TMEM26: variants seen among roughly 807,000 people sequenced by gnomAD.
The protein encoded by TMEM26 is transmembrane protein 26.
In TMEM26, 38 loss-of-function variants were observed where a neutral mutation model predicts 28.8. The ratio of observed to expected loss-of-function variants is 1.32; its 90% CI spans 1.02 to 1.73. The LOEUF is 1.73. TMEM26 is among the 40% of genes most tolerant of loss of function. The pLI is 0.00. For missense variants in TMEM26, 518 were observed against 447.1 expected (o/e 1.16, Z -1.43); for synonymous variants, 227 against 182.9 (o/e 1.24, Z -1.95).
At chr10:61,411,083 A>T (rs553934450) in intron 5 of TMEM26, among the ~76,000 whole-genome samples, 3 of 152,182 alleles carry the variant, frequency 2.0e-5, no homozygotes, top group African/African-American at 7.2e-5. Flanking sequence ...CATGGGGGGA[A>T]TAAAAAATAA....
At chr10:61,418,235 G>C (rs1012570734) in intron 4 of TMEM26, among the ~76,000 whole-genome samples, 1 of 152,036 alleles carries the variant, frequency 6.6e-6, no homozygotes, top group African/African-American at 2.4e-5. Flanking sequence ...ACTGGAGACT[G>C]TTAGGATGGA....
At chr10:61,416,092 G>A (rs1239891419) in intron 4 of TMEM26, 2 of 450,488 alleles carry the variant, frequency 4.4e-6, no homozygotes, top group Admixed American at 4.8e-5. Flanking sequence ...GGGTTAGTAT[G>A]TCTTCTATTA....
chr10:61,417,389 A>AG (rs1839670307), intron 4 of TMEM26, among the ~76,000 whole-genome samples: 1 of 151,926 alleles, frequency 6.6e-6, no homozygotes. Context: ...TATTTTGCCA[A>AG]TGTGCTTAGC....
At chr10:61,433,215 G>A (rs1839950564) in intron 2 of TMEM26, among the ~76,000 whole-genome samples, 1 of 152,128 alleles carries the variant, frequency 6.6e-6, no homozygotes, top group Non-Finnish European at 1.5e-5. Context: ...ACTTATCTGA[G>A]TTGCTCTCCG....
At chr10:61,430,039 G>A (rs1385351819) in intron 3 of TMEM26, among the ~76,000 whole-genome samples, 2 of 152,120 alleles carry the variant, frequency 1.3e-5, no homozygotes, top group East Asian at 3.9e-4. Flanking sequence ...ATCCATACAT[G>A]AAAATCAAGA....
At chr10:61,414,946 G>A in intron 4 of TMEM26, 7 of 977,012 alleles carry the variant, frequency 7.2e-6, no homozygotes, top group Non-Finnish European at 8.5e-6. Context: ...AATACTGTTA[G>A]GTGGATTCCT....
At position 61,409,389 on chromosome 10, in the gene TMEM26, A is replaced by G. The variant is rs904338881; in HGVS notation, c.*933T>C. Reference sequence around the variant, plus strand: ...GGCCACTTCCAGTAGTCGCGGTTCAAAGAAGCTGCAGCTTTGTTCACTACT... The same window carrying G: ...GGCCACTTCCAGTAGTCGCGGTTCAGAGAAGCTGCAGCTTTGTTCACTACT... On this transcript the variant is annotated 3_prime_UTR_variant, in exon 6 of 6. Coordinates refer to ENST00000399298, the MANE Select transcript of TMEM26 (RefSeq NM_178505.8). The G allele has an allele frequency of 6.6e-6, 1 of 152,226 alleles. No homozygotes were observed. The highest frequency in any genetic ancestry group is 1.5e-5 in the Non-Finnish European group (1 of 68,078). The allele number at this position is 152,226 out of a possible 1,614,324, so 9.4% of individuals were successfully genotyped here. A position where few individuals can be genotyped will look rare whatever the true frequency, so the allele number is the denominator to read the frequency against.
Position 61,442,164 on chromosome 10 carries a change from T to C in TMEM26, c.192-5916A>G, listed in dbSNP as rs1429630875. ...GTTCATTTCATCCAAAAGTAAAATA[T>C]TGTTTACCATACAAAGTTGTCATTT... On this transcript the variant is annotated intron_variant, in intron 1 of 5. Coordinates refer to ENST00000399298, the MANE Select transcript of TMEM26 (RefSeq NM_178505.8). Among the ~76,000 whole-genome samples, 3 of 152,194 alleles carry C rather than the reference T, an allele frequency of 2.0e-5. No individual in the cohort carries two copies. The East Asian group carries it at 5.8e-4, about 29-fold the overall frequency.
Position 61,408,197 on chromosome 10 carries a change from C to T in TMEM26, c.*2125G>A, listed in dbSNP as rs904001185. 1 of 152,192 alleles carries T rather than the reference C, an allele frequency of 6.6e-6. No homozygotes were observed. Among genetic ancestry groups the T allele is most frequent in the South Asian group, 2.1e-4 (1 of 4,818 alleles). The allele number at this position is 152,192 out of a possible 1,614,324, so 9.4% of individuals were successfully genotyped here. On this transcript the variant is annotated 3_prime_UTR_variant, in exon 6 of 6. Transcript: ENST00000399298. ...TTGCAGAAGCTGGGTCTATTTTTGC[C>T]GCTATTAATTGCCAAGATGGTCCTG... is the stretch of plus-strand genomic sequence containing the variant.
intron 1 of TMEM26, among the ~76,000 whole-genome samples, chr10:61,439,094 A>G (rs1255854117): frequency 6.6e-6 from 1 of 152,202 alleles, no homozygotes; most frequent in Non-Finnish European, 1.5e-5. Flanking sequence ...CAATGGTTTT[A>G]CAGCAAATAT....
chr10:61,406,989 T>TC lies in TMEM26; in HGVS notation c.*3332_*3333insG, dbSNP rs1564469561. The TC allele has an allele frequency of 6.6e-6, 1 of 152,084 alleles. No individual in the cohort carries two copies. Among genetic ancestry groups the TC allele is most frequent in the African/African-American group, 2.4e-5 (1 of 41,444 alleles). The allele number at this position is 152,084 out of a possible 1,614,324, so 9.4% of individuals were successfully genotyped here. A position where few individuals can be genotyped will look rare whatever the true frequency, so the allele number is the denominator to read the frequency against. ...TTAGAAAAAAAAAAAATCCCCTTTT[T>TC]TTCTTGTAATTCAAGACTGTTTGGT... On this transcript the variant is annotated 3_prime_UTR_variant, in exon 6 of 6. Transcript: ENST00000399298.
chr10:61,423,302 T>A (rs1221493543), intron 4 of TMEM26, among the ~76,000 whole-genome samples: 1 of 152,080 alleles, frequency 6.6e-6, no homozygotes, highest in Admixed American at 6.6e-5. Context: ...CTATGTAAAA[T>A]CTTTCAGAAA....
intron 1 of TMEM26, among the ~76,000 whole-genome samples, chr10:61,440,498 T>C (rs1840074597): frequency 7.0e-6 from 1 of 143,414 alleles, no homozygotes; most frequent in Non-Finnish European, 1.5e-5. Flanking sequence ...TATAACAGTG[T>C]TCTTCTTCCA....
At chr10:61,413,769 C>G in intron 4 of TMEM26, 1 of 1,176,324 alleles carries the variant, frequency 8.5e-7, no homozygotes, top group Non-Finnish European at 1.1e-6. Context: ...TATGACAAAG[C>G]CTCTTGGTCC....
intron 2 of TMEM26, 25 bp downstream of exon 2, chr10:61,436,145 A>T: frequency 6.8e-7 from 1 of 1,478,914 alleles, no homozygotes; most frequent in Non-Finnish European, 9.4e-7. Flanking sequence ...GAATAGGTCA[A>T]TTCCTACTTT....
chr10:61,407,973 T>G lies in TMEM26; in HGVS notation c.*2349A>C, dbSNP rs1307490182. ...TTACAGTATTTAGCAGTCTACGCTA[T>G]GAACTGAACAAATTTGTAATATTTA... On this transcript the variant is annotated 3_prime_UTR_variant, in exon 6 of 6. Transcript: ENST00000399298. 2.0e-5 allele frequency: 3 copies of G among 152,342 alleles called. No individual in the cohort carries two copies. The highest frequency in any genetic ancestry group is 3.9e-4 in the East Asian group (2 of 5,192). The allele number at this position is 152,342 out of a possible 1,614,324, so 9.4% of individuals were successfully genotyped here.
At chr10:61,442,965 G>A (rs1300153226) in intron 1 of TMEM26, among the ~76,000 whole-genome samples, 1 of 152,054 alleles carries the variant, frequency 6.6e-6, no homozygotes, top group African/African-American at 2.4e-5. Flanking sequence ...CTGAATGCCT[G>A]GGAAGTCACC....
intron 5 of TMEM26, chr10:61,412,949 G>A (rs1279219962): frequency 3.1e-6 from 4 of 1,292,708 alleles, no homozygotes; most frequent in Non-Finnish European, 4.1e-6. Flanking sequence ...GACCTCCAAT[G>A]AGGACAATTT....
chr10:61,417,465 G>GTTT (rs71018971), intron 4 of TMEM26, among the ~76,000 whole-genome samples: 2 of 139,956 alleles, frequency 1.4e-5, no homozygotes. Context: ...AATTCATCTA[G>GTTT]TTTTTTTTTT....
Sources: allele counts gnomAD v4.1 joint callset (sites outside exome capture counted in the v4.1 genomes callset), GRCh38; gene constraint gnomAD v4.1.1; transcripts MANE v1.5; gene names NCBI Gene and HGNC (gene_info 2026-07-23, HGNC 2026-07-21).